The following RARS1 variants were observed in gnomAD, a reference collection of about 807,000 sequenced individuals.
The protein encoded by RARS1 is arginyl-tRNA synthetase 1.
In RARS1, 75 loss-of-function variants were observed where a neutral mutation model predicts 78.7. The observed-to-expected ratio is 0.95, with a 90% CI of 0.79 to 1.15. The LOEUF (loss-of-function observed/expected upper bound fraction) is 1.15. Among genes scored for constraint, RARS1 ranks in the 50% most tolerant of loss-of-function variants. The pLI, the probability that RARS1 is intolerant of heterozygous loss-of-function variation, is 0.00. For synonymous variants in RARS1, 273 were observed against 268.2 expected, an observed-to-expected ratio of 1.02 and a Z score of -0.18; for missense variants, 787 against 787.5, an observed-to-expected ratio of 1.00 and a Z score of 0.01.
At chr5:168,489,395 C>T (rs1758034928) in intron 2 of RARS1, among the ~76,000 whole-genome samples, 1 of 152,114 alleles carries the variant, frequency 6.6e-6, no homozygotes, top group Non-Finnish European at 1.5e-5. Flanking sequence ...TAAATCATTG[C>T]CTCTATCATA....
chr5:168,516,584 A>G (rs1041716265), intron 12 of RARS1, among the ~76,000 whole-genome samples, 194 bp from the exon 13 acceptor site: 5 of 152,214 alleles, frequency 3.3e-5, no homozygotes, highest in Non-Finnish European at 7.3e-5. Context: ...TTCATTGTGC[A>G]TAACGCATTT....
In RARS1 at chr5:168,517,896, GA is replaced by G; in HGVS notation, c.1709del (p.Lys570ArgfsTer5). 1 of 1,613,734 alleles carries G rather than the reference GA, an allele frequency of 6.2e-7. No individual in the cohort carries two copies. On this transcript the variant is annotated frameshift_variant, in exon 14 of 15. Transcript: ENST00000231572. LOFTEE classifies it high-confidence loss of function. Reference protein sequence around the residue: ...RETKILLDHEKEWKLGRCILR... With the variant: ...RETKILLDHEXEWKLGRCILR... ...AAACCAAGATTCTTTTGGATCATGA[GA>G]AGGAATGGAAACTAGGCCGGTGCAT... is the stretch of plus-strand genomic sequence containing the variant.
At chr5:168,510,485 C>G (rs755907228) in intron 11 of RARS1, 96 bp from the exon 12 acceptor site, 12 of 825,674 alleles carry the variant, frequency 1.5e-5, no homozygotes, top group East Asian at 2.7e-5. Context: ...ACATATGTTG[C>G]AGTTTTGTGG....
rs1758677613 is a variant in RARS1, at chr5:168,516,936, C to T, written c.1611C>T (p.Ala537=). 6.2e-7 allele frequency: 1 copy of T among 1,613,594 alleles called. No homozygotes were observed. The highest frequency in any genetic ancestry group is 1.3e-5 in the African/African-American group (1 of 74,872). The part of the protein sequence containing the change: ...RGNTAAYLLY[A]FTRIRSIARL... ...ATACAGCTGCTTACTTGTTGTATGC[C>T]TTCACTAGAATCAGGTAATTGTGGG... Residue 537 remains alanine, a synonymous_variant, in exon 13 of 15, where the codon GCC becomes GCT. Coordinates refer to ENST00000231572, the MANE Select transcript of RARS1 (RefSeq NM_002887.4).
At chr5:168,507,042 G>A (rs963658299) in intron 11 of RARS1, among the ~76,000 whole-genome samples, 1 of 152,186 alleles carries the variant, frequency 6.6e-6, no homozygotes, top group Non-Finnish European at 1.5e-5. Flanking sequence ...AAAGTTTAGT[G>A]AAAACCAGAC....
intron 9 of RARS1, among the ~76,000 whole-genome samples, chr5:168,503,450 A>G (rs1449797436): frequency 1.3e-5 from 2 of 152,222 alleles, no homozygotes; most frequent in Non-Finnish European, 2.9e-5. Context: ...GTTCCTTAGC[A>G]TCTCAAAGTG....
At chr5:168,487,282 C>G (rs1331009022) in intron 1 of RARS1, among the ~76,000 whole-genome samples, 1 of 151,866 alleles carries the variant, frequency 6.6e-6, no homozygotes, top group Non-Finnish European at 1.5e-5. Context: ...AGGAGAATGG[C>G]GTGAACCCGG....
chr5:168,492,430 C>CA (rs1758104760), intron 2 of RARS1, among the ~76,000 whole-genome samples: 1 of 152,096 alleles, frequency 6.6e-6, no homozygotes, highest in South Asian at 2.1e-4. Context: ...AAAACAAATG[C>CA]AAAAAGTAAG....
In RARS1 at chr5:168,518,097, G is replaced by GTTTTTTTTTTTT. The variant is rs1561829748; in HGVS notation, c.1873+36_1873+37insTTTTTTTTTTTT. ...TTTTTTTTTTTTTTTTTTTTTTTTA[G>GTTTTTTTTTTTT]TGAGAGACACGGATCTTGCTCTGTC... On this transcript the variant is annotated intron_variant, in intron 14 of 14. Transcript: ENST00000231572. 14 of 920,034 alleles carry GTTTTTTTTTTTT rather than the reference G, an allele frequency of 1.5e-5. No individual in the cohort carries two copies. In the African/African-American group the frequency reaches 7.1e-4, roughly 47 times the overall value. 57.0% of individuals were successfully genotyped at this position (920,034 alleles called of 1,614,324 possible). A position where few individuals can be genotyped will look rare whatever the true frequency, so the allele number is the denominator to read the frequency against.
At chr5:168,497,497 A>G (rs777186497) in intron 7 of RARS1, 149 bp downstream of exon 7, 5 of 587,998 alleles carry the variant, frequency 8.5e-6, no homozygotes, top group Non-Finnish European at 1.3e-5. Context: ...CTCTGTATAA[A>G]TGACATTCTC....
At chr5:168,500,925 T>C (rs1005302618) in intron 8 of RARS1, among the ~76,000 whole-genome samples, 4 of 152,038 alleles carry the variant, frequency 2.6e-5, no homozygotes, top group African/African-American at 7.2e-5. Flanking sequence ...TTCTTAGAAG[T>C]CAGCAAAAAT....
chr5:168,496,012 T>A (rs1758177196), intron 6 of RARS1, among the ~76,000 whole-genome samples: 1 of 152,042 alleles, frequency 6.6e-6, no homozygotes, highest in African/African-American at 2.4e-5. Flanking sequence ...GAAATAAAAA[T>A]TTTTAAATAA....
rs374370849 is a variant in RARS1, at chr5:168,510,706, G to A, written c.1452+20G>A. 55 of 1,520,424 alleles carry A rather than the reference G, an allele frequency of 3.6e-5. No homozygotes were observed. The highest frequency in any genetic ancestry group is 4.8e-5 in the South Asian group (4 of 83,452). The allele number at this position is 1,520,424 out of a possible 1,614,324, so 94.2% of individuals were successfully genotyped here. ...GACAAGGTAATTCAAAGCCTTATAG[G>A]CATAATGTGTATCAAGCATTGTGAT... is the stretch of plus-strand genomic sequence containing the variant. On this transcript the variant is annotated intron_variant, in intron 12 of 14. Transcript: ENST00000231572.
chr5:168,509,489 A>T (rs1207633522), intron 11 of RARS1, among the ~76,000 whole-genome samples: 1 of 135,766 alleles, frequency 7.4e-6, no homozygotes, highest in Non-Finnish European at 1.6e-5. Flanking sequence ...CCTTGGTGTT[A>T]TGTAAACTTT....
intron 11 of RARS1, among the ~76,000 whole-genome samples, chr5:168,508,176 G>A (rs192910936): frequency 1.1e-4 from 17 of 152,192 alleles, no homozygotes; most frequent in Admixed American, 7.2e-4. Context: ...ATGATATTCT[G>A]ACACTTGCTT....
chr5:168,501,783 C>G (rs1272748179), intron 8 of RARS1, among the ~76,000 whole-genome samples: 2 of 152,070 alleles, frequency 1.3e-5, no homozygotes, highest in Admixed American at 1.3e-4. Context: ...TATCTATAGT[C>G]CCACCCATTG....
chr5:168,505,925 T>C, intron 9 of RARS1, 96 bp from the exon 10 acceptor site: 4 of 1,036,016 alleles, frequency 3.9e-6, no homozygotes, highest in Non-Finnish European at 4.3e-6. Context: ...AAAATATTCT[T>C]AGAATAACTA....
chr5:168,488,790 T>C, intron 2 of RARS1, 54 bp downstream of exon 2: 1 of 1,508,514 alleles, frequency 6.6e-7, no homozygotes, highest in Non-Finnish European at 8.9e-7. Flanking sequence ...TATAGCTTTT[T>C]TAAAGCCTTT....
intron 7 of RARS1, among the ~76,000 whole-genome samples, chr5:168,498,973 C>G (rs1465326158): frequency 1.4e-5 from 2 of 147,658 alleles, no homozygotes; most frequent in Non-Finnish European, 3.0e-5. Flanking sequence ...GACCCTATCT[C>G]AAAAAAAAAA....
Sources: allele counts gnomAD v4.1 joint callset (sites outside exome capture counted in the v4.1 genomes callset), GRCh38; gene constraint gnomAD v4.1.1; transcripts MANE v1.5; gene names NCBI Gene and HGNC (gene_info 2026-07-23, HGNC 2026-07-21).